KYNU: variants seen among roughly 807,000 people sequenced by gnomAD.
KYNU encodes the protein kynureninase.
In KYNU, 54 loss-of-function variants were observed where a neutral mutation model predicts 59.2. The ratio of observed to expected loss-of-function variants is 0.91; its 90% CI spans 0.73 to 1.14. The LOEUF (loss-of-function observed/expected upper bound fraction) is 1.14, where lower values mean the gene tolerates loss of function less well. KYNU is among the 50% of genes most tolerant of loss of function. The probability of loss-of-function intolerance (pLI) is 0.00; values close to 1 mark genes in which losing one functional copy is unlikely to be tolerated. For missense variants in KYNU, 567 were observed against 554.4 expected (o/e 1.02, Z -0.23); for synonymous variants, 177 against 192.0 (o/e 0.92, Z 0.65).
At chr2:142,988,854 G>A (rs1198098303) in intron 10 of KYNU, 2 of 1,607,180 alleles carry the variant, frequency 1.2e-6, no homozygotes. Context: ...GGAGATCGGA[G>A]TTCTTTAATT....
intron 5 of KYNU, among the ~76,000 whole-genome samples, chr2:142,955,921 A>G (rs543090848): frequency 3.4e-4 from 51 of 152,222 alleles, no homozygotes; most frequent in Non-Finnish European, 6.6e-4. Context: ...TTTAAGTTTC[A>G]TCAATTAATA....
chr2:142,899,058 G>A lies in KYNU; in HGVS notation c.169+13522G>A, dbSNP rs1016871995. Among the ~76,000 whole-genome samples the A allele has an allele frequency of 3.3e-5, 5 of 152,176 alleles. No homozygotes were observed. The East Asian group carries it at 7.7e-4, about 23-fold the overall frequency. On this transcript the variant is annotated intron_variant, in intron 2 of 13. Transcript: ENST00000264170. ...GAGATGGTGGCAAACAGCAGTGGTGGACCCGGGTGGGAGTCAATGGCAGGT... is the reference window on the plus strand; with the variant it reads ...GAGATGGTGGCAAACAGCAGTGGTGAACCCGGGTGGGAGTCAATGGCAGGT...
chr2:142,966,322 T>G (rs1343125955), intron 8 of KYNU, among the ~76,000 whole-genome samples: 2 of 152,208 alleles, frequency 1.3e-5, no homozygotes, highest in African/African-American at 4.8e-5. Flanking sequence ...TCCAAAAGAT[T>G]CATGGTTGTG....
At chr2:142,971,595 G>A (rs1205286346) in intron 8 of KYNU, among the ~76,000 whole-genome samples, 2 of 152,240 alleles carry the variant, frequency 1.3e-5, no homozygotes, top group South Asian at 4.1e-4. Flanking sequence ...TCAAATTTAG[G>A]AAGCTATGTC....
At chr2:142,911,668 T>C (rs1573779983) in intron 2 of KYNU, among the ~76,000 whole-genome samples, 1 of 152,210 alleles carries the variant, frequency 6.6e-6, no homozygotes, top group East Asian at 1.9e-4. Flanking sequence ...TTCAGTATGA[T>C]GTTCGCTGTG....
chr2:143,055,356 C>T lies in KYNU; in HGVS notation c.*13184C>T, dbSNP rs909130898. On this transcript the variant is annotated 3_prime_UTR_variant, in exon 14 of 14. Transcript: ENST00000264170. The stretch of plus-strand genomic sequence containing the variant: ...CCACAATCCTTGGCTTAAGGTCCAT[C>T]TTTAAAGACAGCAACGTTTCATCTC... The T allele has an allele frequency of 6.6e-6, 1 of 152,122 alleles. No homozygotes were observed. Among genetic ancestry groups the T allele is most frequent in the African/African-American group, 2.4e-5 (1 of 41,416 alleles). The allele number at this position is 152,122 out of a possible 1,614,324, so 9.4% of individuals were successfully genotyped here.
rs1037877235 is a variant in KYNU, at chr2:143,054,236, A to G, written c.*12064A>G. 4.6e-5 allele frequency: 7 copies of G among 152,118 alleles called. No homozygotes were observed. The highest frequency in any genetic ancestry group is 1.2e-4 in the African/African-American group (5 of 41,418). The allele number at this position is 152,118 out of a possible 1,614,324, so 9.4% of individuals were successfully genotyped here. A position where few individuals can be genotyped will look rare whatever the true frequency, so the allele number is the denominator to read the frequency against. On this transcript the variant is annotated 3_prime_UTR_variant, in exon 14 of 14. Coordinates refer to ENST00000264170, the MANE Select transcript of KYNU (RefSeq NM_003937.3). Reference sequence around the variant, plus strand: ...TTCAGTTTATTCCCTCTTACTATGTATAAGTATTTCCCCAAGTTTCACTTT... The same window carrying G: ...TTCAGTTTATTCCCTCTTACTATGTGTAAGTATTTCCCCAAGTTTCACTTT...
At chr2:142,966,946 A>C (rs1426187317) in intron 8 of KYNU, among the ~76,000 whole-genome samples, 1 of 151,866 alleles carries the variant, frequency 6.6e-6, no homozygotes, top group African/African-American at 2.4e-5. Context: ...TTTTTATTAA[A>C]GACTGTCACT....
rs1261721569 is a variant in KYNU, at chr2:143,043,362, A to G, written c.*1190A>G. ...TTCAATTGTTGATGCCACAATCATT[A>G]TTTATAAGTTGACAAAATAGTGTAG... is the stretch of plus-strand genomic sequence containing the variant. On this transcript the variant is annotated 3_prime_UTR_variant, in exon 14 of 14. Transcript: ENST00000264170. 1 of 152,054 alleles carries G rather than the reference A, an allele frequency of 6.6e-6. No individual in the cohort carries two copies. The highest frequency in any genetic ancestry group is 1.5e-5 in the Non-Finnish European group (1 of 67,976). The allele number at this position is 152,054 out of a possible 1,614,324, so 9.4% of individuals were successfully genotyped here.
intron 2 of KYNU, among the ~76,000 whole-genome samples, chr2:142,899,377 G>T (rs1227957777): frequency 2.6e-5 from 4 of 152,072 alleles, no homozygotes; most frequent in Non-Finnish European, 5.9e-5. Flanking sequence ...TACCCGATTG[G>T]TCAGGTGTGA....
At chr2:142,902,675 C>T (rs1682143835) in intron 2 of KYNU, among the ~76,000 whole-genome samples, 1 of 152,164 alleles carries the variant, frequency 6.6e-6, no homozygotes, top group African/African-American at 2.4e-5. Context: ...ACCTTGTAGC[C>T]ACAAGTGGTG....
At chr2:143,014,437 A>G (rs1371239266) in intron 10 of KYNU, among the ~76,000 whole-genome samples, 2 of 152,152 alleles carry the variant, frequency 1.3e-5, no homozygotes, top group Non-Finnish European at 2.9e-5. Flanking sequence ...GTTTTCTTTT[A>G]TATGTGCTGT....
intron 10 of KYNU, among the ~76,000 whole-genome samples, chr2:142,999,396 A>G (rs1384418512): frequency 6.6e-6 from 1 of 152,154 alleles, no homozygotes; most frequent in Non-Finnish European, 1.5e-5. Flanking sequence ...ATCTCAATTA[A>G]CATTTCTTTT....
chr2:142,884,688 C>CTTTTTTTTTTTTTTTTTT (rs70997529), intron 1 of KYNU, among the ~76,000 whole-genome samples: 93 of 77,052 alleles, frequency 1.2e-3, no homozygotes, highest in Non-Finnish European at 1.5e-3. Context: ...TTCTCTTTTC[C>CTTTTTTTTTTTTTTTTTT]TTTTTTTTTT....
chr2:142,917,701 G>A (rs1054856271), intron 2 of KYNU, among the ~76,000 whole-genome samples: 4 of 152,190 alleles, frequency 2.6e-5, no homozygotes, highest in Non-Finnish European at 5.9e-5. Context: ...TGGCACACAT[G>A]TGTAAACAAT....
chr2:142,895,626 AT>A (rs564248722), intron 2 of KYNU, among the ~76,000 whole-genome samples: 86 of 150,558 alleles, frequency 5.7e-4, no homozygotes, highest in South Asian at 1.1e-3. Flanking sequence ...TTTTATCTAA[AT>A]TTTTTTTTTA....
chr2:142,941,266 A>G (rs548966758), intron 4 of KYNU, among the ~76,000 whole-genome samples: 1 of 152,292 alleles, frequency 6.6e-6, no homozygotes, highest in South Asian at 2.1e-4. Flanking sequence ...ATAACAAAAA[A>G]TACTTTTACC....
Position 143,045,636 on chromosome 2 carries a change from C to T in KYNU, c.*3464C>T, listed in dbSNP as rs902694089. Reference sequence around the variant, plus strand: ...ACTCATGATTTGGTTCTCTGTTTGTCCTATATACATATGTTGGTATATAGG... The same window carrying T: ...ACTCATGATTTGGTTCTCTGTTTGTTCTATATACATATGTTGGTATATAGG... On this transcript the variant is annotated 3_prime_UTR_variant, in exon 14 of 14. Transcript: ENST00000264170. The T allele has an allele frequency of 2.0e-5, 3 of 151,982 alleles. No individual in the cohort carries two copies. Among genetic ancestry groups the T allele is most frequent in the African/African-American group, 4.8e-5 (2 of 41,376 alleles). 9.4% of individuals were successfully genotyped at this position (151,982 alleles called of 1,614,324 possible).
At position 143,042,046 on chromosome 2, in the gene KYNU, G is replaced by T. The variant is rs762339358; in HGVS notation, c.1273-1G>T. ...ATTGTGGCTTTATTTTTTCCCCACA[G>T]TGTGACAAGCGGAATCCAAATGGCA... is the stretch of plus-strand genomic sequence containing the variant. On this transcript the variant is annotated splice_acceptor_variant, in intron 13 of 13. Coordinates refer to ENST00000264170, the MANE Select transcript of KYNU (RefSeq NM_003937.3). LOFTEE classifies it high-confidence loss of function. 6 of 1,611,408 alleles carry T rather than the reference G, an allele frequency of 3.7e-6. No individual in the cohort carries two copies. The highest frequency in any genetic ancestry group is 5.1e-6 in the Non-Finnish European group (6 of 1,178,216).
Sources: gnomAD v4.1 joint callset for allele counts (sites outside exome capture counted in the v4.1 genomes callset) on GRCh38, gnomAD v4.1.1 for gene constraint, MANE v1.5 for transcripts, NCBI Gene and HGNC (gene_info 2026-07-23, HGNC 2026-07-21) for gene names.